Variants in CCSER1 observed in about 807,000 individuals in gnomAD.
CCSER1 encodes the protein serine-rich coiled-coil domain-containing protein 1.
In CCSER1, 41 loss-of-function variants were observed where a neutral mutation model predicts 82.0. That is an observed-to-expected ratio of 0.50 (90% confidence interval 0.39 to 0.65). The LOEUF (loss-of-function observed/expected upper bound fraction) is 0.65. Ranked by LOEUF, CCSER1 falls within the 30% of genes least tolerant of loss-of-function variation. The probability of loss-of-function intolerance (pLI) is 0.00; values close to 1 mark genes in which losing one functional copy is unlikely to be tolerated. For synonymous variants in CCSER1, 414 were observed against 383.9 expected (o/e 1.08, Z -0.92); for missense variants, 1,119 against 1,064.2 (o/e 1.05, Z -0.72).
chr4:90,480,577 C>T (rs933611742), intron 5 of CCSER1, among the ~76,000 whole-genome samples: 2 of 152,172 alleles, frequency 1.3e-5, no homozygotes, highest in African/African-American at 4.8e-5. Flanking sequence ...AAGGCATCCA[C>T]TTTCAACTTT....
chr4:90,629,326 T>C (rs1723912954), intron 6 of CCSER1, among the ~76,000 whole-genome samples: 1 of 152,154 alleles, frequency 6.6e-6, no homozygotes, highest in Non-Finnish European at 1.5e-5. Flanking sequence ...TACCTGAGGC[T>C]AGGTAATTTA....
chr4:91,561,695 A>G (rs1405452833), intron 10 of CCSER1, among the ~76,000 whole-genome samples: 1 of 151,504 alleles, frequency 6.6e-6, no homozygotes, highest in African/African-American at 2.4e-5. Flanking sequence ...TAGGAAATCA[A>G]TAAATGTTTT....
At chr4:90,339,749 G>C (rs1254972203) in intron 3 of CCSER1, among the ~76,000 whole-genome samples, 1 of 151,884 alleles carries the variant, frequency 6.6e-6, no homozygotes, top group Non-Finnish European at 1.5e-5. Context: ...AACAGCAACT[G>C]CTGTTTTTTT....
At chr4:91,581,434 A>C (rs1763721336) in intron 10 of CCSER1, among the ~76,000 whole-genome samples, 1 of 151,696 alleles carries the variant, frequency 6.6e-6, no homozygotes, top group Non-Finnish European at 1.5e-5. Flanking sequence ...GGTGCAGCCC[A>C]AAATCAATAA....
At chr4:91,354,223 T>A (rs1748669112) in intron 10 of CCSER1, among the ~76,000 whole-genome samples, 3 of 152,218 alleles carry the variant, frequency 2.0e-5, no homozygotes, top group African/African-American at 7.2e-5. Context: ...AGGTCTATAA[T>A]ATTGTATGAT....
intron 10 of CCSER1, among the ~76,000 whole-genome samples, chr4:91,218,260 C>T (rs1474003657): frequency 1.3e-5 from 2 of 152,108 alleles, no homozygotes; most frequent in South Asian, 2.1e-4. Flanking sequence ...CTGGCTGCTC[C>T]GAGAGCGGGG....
At chr4:91,113,470 GT>G (rs1726263191) in intron 10 of CCSER1, among the ~76,000 whole-genome samples, 1 of 152,156 alleles carries the variant, frequency 6.6e-6, no homozygotes, top group African/African-American at 2.4e-5. Flanking sequence ...TGATTAGTAG[GT>G]CATACAGCTA....
At chr4:91,280,621 G>A (rs13138906) in intron 10 of CCSER1, among the ~76,000 whole-genome samples, 21,483 of 152,148 alleles carry the variant, frequency 0.14, 1,616 homozygotes, top group Middle Eastern at 0.17. Context: ...AGAGAGTGGC[G>A]TTGTTTTCCT....
At chr4:90,190,963 A>C (rs950819474) in intron 1 of CCSER1, among the ~76,000 whole-genome samples, 1 of 152,106 alleles carries the variant, frequency 6.6e-6, no homozygotes, top group African/African-American at 2.4e-5. Flanking sequence ...ATTGGAAAAG[A>C]GCTTCAAAGT....
At chr4:91,536,940 G>C (rs1761328467) in intron 10 of CCSER1, among the ~76,000 whole-genome samples, 1 of 152,016 alleles carries the variant, frequency 6.6e-6, no homozygotes, top group Non-Finnish European at 1.5e-5. Flanking sequence ...TGGAGAGACA[G>C]TTCTTAATCA....
At chr4:91,378,226 C>T (rs1750581791) in intron 10 of CCSER1, among the ~76,000 whole-genome samples, 1 of 152,052 alleles carries the variant, frequency 6.6e-6, no homozygotes, top group Non-Finnish European at 1.5e-5. Context: ...TTGTCTTGGC[C>T]ATGCAGGCTC....
At chr4:90,171,227 A>G (rs1009365989) in intron 1 of CCSER1, among the ~76,000 whole-genome samples, 8 of 151,472 alleles carry the variant, frequency 5.3e-5, no homozygotes, top group Non-Finnish European at 2.9e-5. Context: ...ATTTGCATCA[A>G]TTTAAAGGAC....
chr4:90,373,784 G>T (rs888803790), intron 3 of CCSER1, among the ~76,000 whole-genome samples: 10 of 152,056 alleles, frequency 6.6e-5, no homozygotes, highest in African/African-American at 2.2e-4. Flanking sequence ...ATTTTTACAA[G>T]GAAAGCTATA....
chr4:90,510,072 G>A (rs2153616432), intron 5 of CCSER1, among the ~76,000 whole-genome samples: 2 of 152,192 alleles, frequency 1.3e-5, no homozygotes, highest in South Asian at 2.1e-4. Flanking sequence ...CTCCTTAGAT[G>A]TGCTCATTCA....
At chr4:90,394,968 T>A (rs1336810855) in intron 3 of CCSER1, among the ~76,000 whole-genome samples, 1 of 152,206 alleles carries the variant, frequency 6.6e-6, no homozygotes, top group Non-Finnish European at 1.5e-5. Flanking sequence ...AATTTTCAAG[T>A]ATACAACACA....
At chr4:90,797,944 A>T (rs766913404) in intron 7 of CCSER1, among the ~76,000 whole-genome samples, 4 of 152,114 alleles carry the variant, frequency 2.6e-5, no homozygotes, top group Non-Finnish European at 5.9e-5. Context: ...TCTGAAGATT[A>T]TGTCTGTTGG....
At position 90,969,299 on chromosome 4, in the gene CCSER1, G is replaced by GT. The variant is rs375824214; in HGVS notation, c.2172+45854dup. On this transcript the variant is annotated intron_variant, in intron 9 of 10. Coordinates refer to ENST00000509176, the MANE Select transcript of CCSER1 (RefSeq NM_001145065.2). ...GGATATGAACATCCACGTTCATGAA[G>GT]TTAAAAGATTTCTAAAACAGAATAA... Among the ~76,000 whole-genome samples, 71 of 152,014 alleles carry GT rather than the reference G, an allele frequency of 4.7e-4. 1 individual carries two copies. The East Asian group carries it at 0.014, about 29-fold the overall frequency.
chr4:90,909,675 C>T (rs1362916968), intron 8 of CCSER1, among the ~76,000 whole-genome samples: 1 of 152,102 alleles, frequency 6.6e-6, no homozygotes, highest in Non-Finnish European at 1.5e-5. Flanking sequence ...AAAGCCATCT[C>T]TTTTATGTCC....
chr4:90,342,200 T>G (rs1741508436), intron 3 of CCSER1, among the ~76,000 whole-genome samples: 1 of 152,192 alleles, frequency 6.6e-6, no homozygotes, highest in African/African-American at 2.4e-5. Context: ...TCTGGTTTCT[T>G]TAGTCCAAGA....
Sources: gnomAD v4.1 joint callset for allele counts (sites outside exome capture counted in the v4.1 genomes callset) on GRCh38, gnomAD v4.1.1 for gene constraint, MANE v1.5 for transcripts, NCBI Gene and HGNC (gene_info 2026-07-23, HGNC 2026-07-21) for gene names.